Variants in DGKK observed in about 807,000 individuals in gnomAD.
DGKK encodes the protein 142 kDa diacylglycerol kinase.
A neutral mutation model predicts 92.2 loss-of-function variants in DGKK; 35 were observed. The observed-to-expected ratio is 0.38, with a 90% CI of 0.29 to 0.50. The LOEUF (loss-of-function observed/expected upper bound fraction) is 0.50, where lower values mean the gene tolerates loss of function less well. DGKK is among the 20% of genes least tolerant of loss of function. DGKK has a pLI of 0.92. For missense variants in DGKK, 910 were observed against 992.2 expected, an observed-to-expected ratio of 0.92 and a Z score of 1.11; for synonymous variants, 368 against 360.6, an observed-to-expected ratio of 1.02 and a Z score of -0.23.
intron 1 of DGKK, among the ~76,000 whole-genome samples, chrX:50,468,724 A>C: frequency 9.0e-6 from 1 of 110,731 alleles, no homozygotes. Context: ...CGTGATGCCA[A>C]TCTGCCCCCT....
In DGKK at chrX:50,390,049, C is replaced by T. The variant is rs781901452; in HGVS notation, c.1926+279G>A. Among the ~76,000 whole-genome samples, 5 of 112,348 alleles carry T rather than the reference C, an allele frequency of 4.5e-5. No homozygotes were observed. The South Asian group carries it at 1.9e-3, about 42-fold the overall frequency. On this transcript the variant is annotated intron_variant, in intron 12 of 27. Transcript: ENST00000611977. ...ATCTATTCAAGTAGACTATGTCATT[C>T]TTCTTTACCCAGTAGCATATAAGAA...
intron 4 of DGKK, among the ~76,000 whole-genome samples, chrX:50,413,470 G>A (rs1557228179): frequency 8.9e-6 from 1 of 112,029 alleles, no homozygotes; most frequent in African/African-American, 3.2e-5. Context: ...TCTGATAAGA[G>A]GATAATATCC....
At chrX:50,422,355 G>T (rs1925614822) in intron 3 of DGKK, 91 bp downstream of exon 3, 1 of 710,071 alleles carries the variant, frequency 1.4e-6, no homozygotes, top group African/African-American at 2.2e-5. Context: ...TTGGAAACCT[G>T]AAGTTCAAAG....
chrX:50,376,914 A>C lies in DGKK; in HGVS notation c.3116T>G (p.Phe1039Cys). ...AAQMLTRDRD[F>C]ENSMKMWEYK... ...TTCCCACATTTTCATTGAGTTCTCA[A>C]AGTCCTGGAGATGAATACAGTGGCA... Residue 1039 changes from phenylalanine to cysteine, a missense_variant, in exon 23 of 28, where the codon TTT (phenylalanine) becomes TGT (cysteine). Transcript: ENST00000611977. 8.4e-7 allele frequency: 1 copy of C among 1,196,110 alleles called. No homozygotes were observed. The highest frequency in any genetic ancestry group is 1.7e-5 in the African/African-American group (1 of 57,525).
At chrX:50,390,295 T>C (rs1924652767) in intron 12 of DGKK, 33 bp downstream of exon 12, 4 of 1,170,712 alleles carry the variant, frequency 3.4e-6, no homozygotes, top group Non-Finnish European at 4.7e-6. Context: ...GTAATAAAGA[T>C]ATTGGTCTGA....
At chrX:50,391,647 A>G (rs1557225557) in intron 10 of DGKK, 71 bp from the exon 11 acceptor site, 12 of 1,113,233 alleles carry the variant, frequency 1.1e-5, no homozygotes, top group Admixed American at 2.3e-5. Flanking sequence ...AGGAACCCAG[A>G]GGGTACTCTT....
intron 4 of DGKK, among the ~76,000 whole-genome samples, chrX:50,404,873 C>T (rs1925109446): frequency 9.0e-6 from 1 of 111,037 alleles, no homozygotes; most frequent in African/African-American, 3.3e-5. Context: ...TAACTACCTC[C>T]TGGAGGTATA....
chrX:50,401,281 C>T (rs1178786890), intron 7 of DGKK, 142 bp from the exon 8 acceptor site: 2 of 529,154 alleles, frequency 3.8e-6, no homozygotes, highest in Non-Finnish European at 3.2e-6. Flanking sequence ...TACATATATC[C>T]CTAACTCACC....
intron 4 of DGKK, among the ~76,000 whole-genome samples, chrX:50,413,287 A>G (rs1458934247): frequency 8.9e-6 from 1 of 112,226 alleles, no homozygotes. Flanking sequence ...AAGCTCCCCA[A>G]CATTGGTCTG....
At chrX:50,461,030 A>G (rs1213863253) in intron 1 of DGKK, among the ~76,000 whole-genome samples, 1 of 111,663 alleles carries the variant, frequency 9.0e-6, no homozygotes, top group African/African-American at 3.3e-5. Context: ...ACAAAAGCTA[A>G]CTGGACAAAT....
At chrX:50,373,784 C>T (rs1360671512) in intron 25 of DGKK, among the ~76,000 whole-genome samples, 2 of 112,306 alleles carry the variant, frequency 1.8e-5, no homozygotes, top group African/African-American at 6.5e-5. Context: ...CAGGGCCTTA[C>T]CAGCCAACCC....
intron 24 of DGKK, 136 bp from the exon 25 acceptor site, chrX:50,375,193 T>C: frequency 2.2e-6 from 1 of 457,911 alleles, no homozygotes. Context: ...AAAAGCAATA[T>C]TCAAAATATA....
chrX:50,390,307 T>C, intron 12 of DGKK, 21 bp downstream of exon 12: 1 of 1,199,247 alleles, frequency 8.3e-7, no homozygotes, highest in South Asian at 1.8e-5. Context: ...TTGGTCTGAA[T>C]TACAGCTGAA....
rs1924348053 is a variant in DGKK at position 50,379,161 on chromosome X, A to G, written c.2862+466T>C. Among the ~76,000 whole-genome samples, 3 of 110,882 alleles carry G rather than the reference A, an allele frequency of 2.7e-5. No homozygotes were observed. The South Asian group carries it at 1.2e-3, about 44-fold the overall frequency. The stretch of plus-strand genomic sequence containing the variant: ...CATGGCGAAACCCTGTCTCTACTAA[A>G]AATACAAAAATTAGCCGGGCATGGT... On this transcript the variant is annotated intron_variant, in intron 20 of 27. Transcript: ENST00000611977.
rs1924331374 is a variant in DGKK at position 50,378,602 on chromosome X, G to T, written c.2952C>A (p.Asn984Lys). 8.3e-7 allele frequency: 1 copy of T among 1,208,792 alleles called. No homozygotes were observed. ...SVQMAMSRIINLHHHRIAQCH... is the reference protein window; with the variant it reads ...SVQMAMSRIIKLHHHRIAQCH... ...CCTGGGCAATGCGATGATGATGCAGGTTGATGATACGGGACATTGCCATCT... is the reference window on the plus strand; with the variant it reads ...CCTGGGCAATGCGATGATGATGCAGTTTGATGATACGGGACATTGCCATCT... Residue 984 changes from asparagine (N) to lysine (K), a missense_variant, in exon 21 of 28, where the codon AAC becomes AAA. Asn to Lys is a moderately conservative substitution (Grantham distance 94). Transcript: ENST00000611977.
At position 50,387,614 on chromosome X, in the gene DGKK, A is replaced by C. The variant is rs1924580797; in HGVS notation, c.2058T>G (p.Ile686Met). Residue 686 changes from isoleucine (I) to methionine (M), a missense_variant, in exon 14 of 28, where the codon ATT becomes ATG. Coordinates refer to ENST00000611977, the MANE Select transcript of DGKK (RefSeq NM_001013742.4). Reference protein sequence around the residue: ...CSAVEDFVVDIVKAWGQIKQN... With the variant: ...CSAVEDFVVDMVKAWGQIKQN... ...GTTTTATCTGACCCCAGGCCTTTAC[A>C]ATATCAACCACAAAATCTTCCACAG... 2 of 1,206,283 alleles carry C rather than the reference A, an allele frequency of 1.7e-6. No individual in the cohort carries two copies. The highest frequency in any genetic ancestry group is 4.4e-5 in the Admixed American group (2 of 45,581).
chrX:50,376,965 A>C lies in DGKK; in HGVS notation c.3112-47T>G, dbSNP rs782503927. 4 of 1,122,011 alleles carry C rather than the reference A, an allele frequency of 3.6e-6. No homozygotes were observed. The Admixed American group carries it at 9.7e-5, about 27-fold the overall frequency. The allele number at this position is 1,122,011 out of a possible 1,213,427, so 92.5% of individuals were successfully genotyped here. A position where few individuals can be genotyped will look rare whatever the true frequency, so the allele number is the denominator to read the frequency against. ...TATCCTAATGATTGCTGTAGCTACT[A>C]GTGCACATGACAGATCTGTCTGTGA... On this transcript the variant is annotated intron_variant, in intron 22 of 27. Coordinates refer to ENST00000611977, the MANE Select transcript of DGKK (RefSeq NM_001013742.4).
chrX:50,367,273 A>G lies in DGKK; in HGVS notation c.*1667T>C, dbSNP rs1305906505. 9.0e-6 allele frequency: 1 copy of G among 111,577 alleles called. No individual in the cohort carries two copies. Among genetic ancestry groups the G allele is most frequent in the Non-Finnish European group, 1.9e-5 (1 of 53,120 alleles). 9.2% of individuals were successfully genotyped at this position (111,577 alleles called of 1,213,427 possible). A position where few individuals can be genotyped will look rare whatever the true frequency, so the allele number is the denominator to read the frequency against. ...GAAGGGACAGTTAACTAAAGGTATGAGTCAAGGGTGGGGTGAAGATGCAAG... is the reference window on the plus strand; with the variant it reads ...GAAGGGACAGTTAACTAAAGGTATGGGTCAAGGGTGGGGTGAAGATGCAAG... On this transcript the variant is annotated 3_prime_UTR_variant, in exon 28 of 28. Transcript: ENST00000611977.
In DGKK at chrX:50,392,405, C is replaced by T; in HGVS notation, c.1640G>A (p.Cys547Tyr). 1 of 1,211,764 alleles carries T rather than the reference C, an allele frequency of 8.3e-7. No homozygotes were observed. Among genetic ancestry groups the T allele is most frequent in the Non-Finnish European group, 1.1e-6 (1 of 895,225 alleles). Residue 547 changes from cysteine (C) to tyrosine (Y), a missense_variant, in exon 10 of 28, where the codon TGT becomes TAT. Cys to Tyr is a radical substitution (Grantham distance 194). Coordinates refer to ENST00000611977, the MANE Select transcript of DGKK (RefSeq NM_001013742.4). The stretch of plus-strand genomic sequence containing the variant: ...CCAGCTCACGCTGCCATCTCCACCA[C>T]AAACCAGAATGCGAAAGCGAGCAAA... ...KNFARFRILV[C>Y]GGDGSVSWVL...
Sources: gnomAD v4.1 joint callset for allele counts (sites outside exome capture counted in the v4.1 genomes callset) on GRCh38, gnomAD v4.1.1 for gene constraint, MANE v1.5 for transcripts, NCBI Gene and HGNC (gene_info 2026-07-23, HGNC 2026-07-21) for gene names.